RUBCN: variants seen among roughly 807,000 people sequenced by gnomAD.
RUBCN encodes the protein rubicon autophagy regulator, also known as run domain Beclin-1-interacting and cysteine-rich domain-containing protein.
Under a neutral mutation model 113.2 loss-of-function variants are expected in RUBCN, and 74 were observed. That is an observed-to-expected ratio of 0.65 (90% CI 0.54 to 0.79). The LOEUF is 0.79. Ranked by LOEUF, RUBCN falls within the 30% of genes least tolerant of loss-of-function variation. The pLI is 0.00. For missense variants in RUBCN, 1,109 were observed against 1,251.7 expected (o/e 0.89, Z 1.72); for synonymous variants, 480 against 490.0 (o/e 0.98, Z 0.27).
intron 1 of RUBCN, 55 bp from the exon 2 acceptor site, chr3:197,718,185 G>A (rs568384888): frequency 1.2e-6 from 2 of 1,601,490 alleles, no homozygotes; most frequent in East Asian, 2.2e-5. Context: ...ACTTGATCCT[G>A]ATCATATCAA....
chr3:197,749,391 A>G (rs916005811), exon 1 of RUBCN: 2 of 1,186,270 alleles, frequency 1.7e-6, no homozygotes, highest in African/African-American at 3.2e-5. Context: ...AGTTAAGGTG[A>G]CGCAGGAACC....
At chr3:197,730,885 C>CTTTTTTTTTTTT (rs71166707) in intron 1 of RUBCN, among the ~76,000 whole-genome samples, 11 of 49,994 alleles carry the variant, frequency 2.2e-4, no homozygotes, top group Admixed American at 6.0e-4. Flanking sequence ...TTAAAAGCAT[C>CTTTTTTTTTTTT]TTTTTTTTTT....
chr3:197,680,958 G>T (rs983611033), intron 16 of RUBCN, among the ~76,000 whole-genome samples, 171 bp downstream of exon 16: 4 of 149,350 alleles, frequency 2.7e-5, no homozygotes, highest in African/African-American at 9.9e-5. Flanking sequence ...TGTGGTAATT[G>T]TGGGAAGCCC....
chr3:197,703,841 C>T (rs893385349), intron 4 of RUBCN, among the ~76,000 whole-genome samples, 187 bp from the exon 5 acceptor site: 1 of 152,200 alleles, frequency 6.6e-6, no homozygotes, highest in East Asian at 1.9e-4. Context: ...GCTTCAACGT[C>T]AGAAAAATCC....
chr3:197,716,569 G>A (rs574597597), intron 2 of RUBCN, among the ~76,000 whole-genome samples: 125 of 152,298 alleles, frequency 8.2e-4, no homozygotes, highest in African/African-American at 2.9e-3. Flanking sequence ...GATTCAGAAG[G>A]AAAAGCTTCC....
chr3:197,722,798 C>T (rs1726312102), intron 1 of RUBCN, among the ~76,000 whole-genome samples: 1 of 151,928 alleles, frequency 6.6e-6, no homozygotes, highest in Admixed American at 6.6e-5. Flanking sequence ...TTTTGGTTTC[C>T]ATTTGCATAG....
intron 1 of RUBCN, among the ~76,000 whole-genome samples, chr3:197,747,861 A>C (rs921571213): frequency 1.3e-5 from 2 of 152,056 alleles, no homozygotes; most frequent in Admixed American, 6.6e-5. Context: ...TACAGTGAAT[A>C]ACTAAAGTCA....
At chr3:197,691,328 T>C (rs1368007091) in intron 11 of RUBCN, among the ~76,000 whole-genome samples, 2 of 152,142 alleles carry the variant, frequency 1.3e-5, no homozygotes, top group African/African-American at 4.8e-5. Flanking sequence ...TTACTGCTAC[T>C]TCCTACGCCA....
At chr3:197,711,059 C>T (rs922509073) in intron 2 of RUBCN, among the ~76,000 whole-genome samples, 2 of 152,168 alleles carry the variant, frequency 1.3e-5, no homozygotes, top group Non-Finnish European at 2.9e-5. Flanking sequence ...CTCCTGACCT[C>T]GTGATCCACC....
rs1258462974 is a variant in RUBCN at position 197,681,032 on chromosome 3, A to AGGAGGGGATGGGG, written c.2430+84_2430+96dup. ...GGAGGGGATGGGGGGAGGGGACAAG[A>AGGAGGGGATGGGG]GGAGGGGATGGGGGGAGGGGACGGG... On this transcript the variant is annotated intron_variant, in intron 16 of 19. Transcript: ENST00000296343. This position sits in a 1 kb window ranked among gnomAD's most constrained non-coding sequence, Gnocchi z 5.5. 1.9e-6 allele frequency: 1 copy of AGGAGGGGATGGGG among 524,368 alleles called. No individual in the cohort carries two copies. The highest frequency in any genetic ancestry group is 3.4e-6 in the Non-Finnish European group (1 of 292,878). The allele number at this position is 524,368 out of a possible 1,614,324, so 32.5% of individuals were successfully genotyped here. A position where few individuals can be genotyped will look rare whatever the true frequency, so the allele number is the denominator to read the frequency against.
chr3:197,687,763 T>C (rs1206620266), intron 11 of RUBCN, among the ~76,000 whole-genome samples: 1 of 152,190 alleles, frequency 6.6e-6, no homozygotes, highest in Non-Finnish European at 1.5e-5. Flanking sequence ...GGTTCTGAGA[T>C]AGCACCTCCC....
At position 197,681,227 on chromosome 3, in the gene RUBCN, T is replaced by TG. The variant is rs1412459303; in HGVS notation, c.2331dup (p.Lys778GlnfsTer6). The TG allele has an allele frequency of 6.2e-7, 1 of 1,613,986 alleles. No homozygotes were observed. The highest frequency in any genetic ancestry group is 8.5e-7 in the Non-Finnish European group (1 of 1,179,988). On this transcript the variant is annotated frameshift_variant, in exon 16 of 20. Coordinates refer to ENST00000296343, the MANE Select transcript of RUBCN (RefSeq NM_014687.4). LOFTEE classifies it high-confidence loss of function. The surrounding 1 kb of genome is among the most constrained non-coding windows in gnomAD (Gnocchi z 5.5). ...TTCCAGATCTTAATGAGCAGGTCCTTGGAGAAGTTGCTGACGTAGTACTTG... is the reference window on the plus strand; with the variant it reads ...TTCCAGATCTTAATGAGCAGGTCCTTGGGAGAAGTTGCTGACGTAGTACTTG...
In RUBCN at chr3:197,705,125, C is replaced by T. The variant is rs776335076; in HGVS notation, c.270G>A (p.Trp90Ter). The T allele has an allele frequency of 5.0e-6, 8 of 1,614,124 alleles. No homozygotes were observed. The highest frequency in any genetic ancestry group is 4.4e-5 in the South Asian group (4 of 91,044). The change falls in exon 3 of 20, where the codon TGG (tryptophan) becomes TGA (stop). Residue 90 changes from tryptophan (W) to a stop codon, truncating the protein, a stop_gained. Coordinates refer to ENST00000296343, the MANE Select transcript of RUBCN (RefSeq NM_014687.4). LOFTEE classifies it high-confidence loss of function. ...DYWQFVKDIR[W>*]LSPHSALHVE... ...CGTGAAGGGCTGAGTGGGGACTGAG[C>T]CACCGGATGTCTTTCACGAACTGCC...
At position 197,703,648 on chromosome 3, in the gene RUBCN, G is replaced by T. The variant is rs1560438836; in HGVS notation, c.470C>A (p.Ala157Asp). The change falls in exon 5 of 20, where the codon GCC becomes GAC. Residue 157 changes from alanine (A) to aspartate (D), a missense_variant. Coordinates refer to ENST00000296343, the MANE Select transcript of RUBCN (RefSeq NM_014687.4). ...GACATGAGCGTCACTTAGCAGGAAG[G>T]CAGCATCTGGGGAGAGAAAAGCTGC... ...QYIRKFYTDA[A>D]FLLSDAHVTA... is the part of the protein sequence containing the mutation. 6.2e-7 allele frequency: 1 copy of T among 1,612,056 alleles called. No individual in the cohort carries two copies. The highest frequency in any genetic ancestry group is 8.5e-7 in the Non-Finnish European group (1 of 1,178,342).
chr3:197,733,735 C>T (rs1297482074), intron 1 of RUBCN, among the ~76,000 whole-genome samples: 1 of 152,100 alleles, frequency 6.6e-6, no homozygotes, highest in Non-Finnish European at 1.5e-5. Context: ...ATAACAATGA[C>T]GGGAGTGACT....
chr3:197,708,554 C>CAAAAAAAAAAAAAA (rs113534449), intron 2 of RUBCN, among the ~76,000 whole-genome samples: 1 of 74,568 alleles, frequency 1.3e-5, no homozygotes, highest in Non-Finnish European at 3.0e-5. Context: ...GTGGTAGACT[C>CAAAAAAAAAAAAAA]AAAAAAAAAA....
At position 197,683,337 on chromosome 3, in the gene RUBCN, C is replaced by A; in HGVS notation, c.1950G>T (p.Trp650Cys). The change falls in exon 13 of 20, where the codon TGG (tryptophan) becomes TGT (cysteine). Residue 650 changes from tryptophan to cysteine, a missense_variant. By Grantham distance (215) the Trp-to-Cys change is radical (BLOSUM62 -2). Transcript: ENST00000296343. This position sits in a 1 kb window ranked among gnomAD's most constrained non-coding sequence, Gnocchi z 4.6. ...MQLPAASELE[W>C]LVPEHDAPQK... is the part of the protein sequence containing the mutation. ...GAGGGGCATCATGCTCCGGGACAAG[C>A]CACTCCAGCTCCGAGGCGGCTGGAA... 1 of 1,614,214 alleles carries A rather than the reference C, an allele frequency of 6.2e-7. No individual in the cohort carries two copies. The highest frequency in any genetic ancestry group is 8.5e-7 in the Non-Finnish European group (1 of 1,180,038).
intron 1 of RUBCN, among the ~76,000 whole-genome samples, chr3:197,728,188 T>C (rs6148263): frequency 0.11 from 17,014 of 150,632 alleles, 1,192 homozygotes; most frequent in African/African-American, 0.18. Flanking sequence ...ATTGCCTGAC[T>C]TCAAAAGTTC....
Position 197,675,490 on chromosome 3 carries a change from C to A in RUBCN, c.2672G>T (p.Cys891Phe). Residue 891 changes from cysteine (C) to phenylalanine (F), a missense_variant, in exon 19 of 20, where the codon TGT becomes TTT. Physicochemically the swap from Cys to Phe is radical, Grantham distance 205. Around this residue, in one of 3 missense-constraint regions of RUBCN, gnomAD observed 306 missense variants for 348.9 expected, o/e 0.88. Transcript: ENST00000296343. The surrounding 1 kb of genome is among the most constrained non-coding windows in gnomAD (Gnocchi z 4.4). ...CMLCQAKGFI[C>F]EFCQNEDDII... Reference sequence around the variant, plus strand: ...GTCATCCTCATTCTGACAGAACTCACAGATGAAGCCTTTGGCTTGGCAGAG... The same window carrying A: ...GTCATCCTCATTCTGACAGAACTCAAAGATGAAGCCTTTGGCTTGGCAGAG... 1 of 1,614,086 alleles carries A rather than the reference C, an allele frequency of 6.2e-7. No homozygotes were observed.
Sources: allele counts gnomAD v4.1 joint callset (sites outside exome capture counted in the v4.1 genomes callset), GRCh38; gene constraint gnomAD v4.1.1; regional missense constraint gnomAD v4.1.1; non-coding constraint Gnocchi (gnomAD v3.1); transcripts MANE v1.5; gene names NCBI Gene and HGNC (gene_info 2026-07-23, HGNC 2026-07-21).